Variants in TET1 observed in about 807,000 individuals in gnomAD.
The protein encoded by TET1 is methylcytosine dioxygenase TET1.
In TET1, 13 loss-of-function variants were observed where a neutral mutation model predicts 148.7. The observed-to-expected ratio is 0.09, with a 90% confidence interval of 0.06 to 0.14. TET1 has a LOEUF of 0.14. Ranked by LOEUF, TET1 falls within the 10% of genes least tolerant of loss-of-function variation. TET1 has a pLI of 1.00. For synonymous variants in TET1, 907 were observed against 937.2 expected (o/e 0.97, Z 0.59); for missense variants, 2,182 against 2,553.8 (o/e 0.85, Z 3.14).
chr10:68,662,454 T>A (rs1311961872), intron 6 of TET1, among the ~76,000 whole-genome samples: 2 of 152,094 alleles, frequency 1.3e-5, no homozygotes, highest in African/African-American at 4.8e-5. Flanking sequence ...ATTATTAATT[T>A]TTATTAATAA....
chr10:68,575,571 G>A (rs918259471), intron 2 of TET1, among the ~76,000 whole-genome samples: 2 of 151,868 alleles, frequency 1.3e-5, no homozygotes, highest in African/African-American at 4.8e-5. Context: ...GCATAGTGGT[G>A]CACACTGGTA....
At chr10:68,577,268 A>G (rs915764225) in intron 2 of TET1, among the ~76,000 whole-genome samples, 1 of 148,246 alleles carries the variant, frequency 6.7e-6, no homozygotes, top group Non-Finnish European at 1.5e-5. Context: ...GCTGGTCTCC[A>G]TCTCCTGACC....
chr10:68,587,727 T>C (rs552078413), intron 2 of TET1, among the ~76,000 whole-genome samples: 1 of 152,160 alleles, frequency 6.6e-6, no homozygotes, highest in South Asian at 2.1e-4. Context: ...GAAAGGAAGG[T>C]GGAAGGAGAC....
At chr10:68,588,151 C>A (rs1405240958) in intron 2 of TET1, among the ~76,000 whole-genome samples, 1 of 152,172 alleles carries the variant, frequency 6.6e-6, no homozygotes, top group Non-Finnish European at 1.5e-5. Context: ...CGTCGGCCAC[C>A]TTGCCTGGCT....
Position 68,646,189 on chromosome 10 carries a change from CCAT to C in TET1, c.3463_3465del (p.Ser1155del), listed in dbSNP as rs1025734794. ...AACCCAGAAAAAGACAAAATCCACCCCATCAAGAGATCGGCGGAAAAAGAAGCC... is the reference window on the plus strand; with the variant it reads ...AACCCAGAAAAAGACAAAATCCACCCCAAGAGATCGGCGGAAAAAGAAGCC... On this transcript the variant is annotated inframe_deletion, in exon 4 of 12. Coordinates refer to ENST00000373644, the MANE Select transcript of TET1 (RefSeq NM_030625.3). The C allele has an allele frequency of 1.2e-6, 2 of 1,613,838 alleles. No individual in the cohort carries two copies. Among genetic ancestry groups the C allele is most frequent in the Admixed American group, 3.3e-5 (2 of 59,956 alleles).
At chr10:68,624,636 CTTTCTTTCTTTCTT>C (rs1409948326) in intron 3 of TET1, among the ~76,000 whole-genome samples, 30 of 45,240 alleles carry the variant, frequency 6.6e-4, no homozygotes, top group South Asian at 4.6e-3. Flanking sequence ...TTCTTTCTTT[CTTTCTTTCTTTCTT>C]TCTTTCTTTC....
intron 3 of TET1, among the ~76,000 whole-genome samples, chr10:68,638,562 TGGAGG>T (rs995469554): frequency 7.9e-5 from 12 of 152,198 alleles, no homozygotes; most frequent in African/African-American, 2.9e-4. Context: ...TAAAAAAGCC[TGGAGG>T]GAATGGTTAT....
rs1683738376 is a variant in TET1, at chr10:68,694,349, C to T, written c.*2535C>T. 4.3e-6 allele frequency: 1 copy of T among 232,610 alleles called. No homozygotes were observed. The highest frequency in any genetic ancestry group is 5.6e-5 in the Admixed American group (1 of 17,754). The allele number at this position is 232,610 out of a possible 1,614,324, so 14.4% of individuals were successfully genotyped here. A position where few individuals can be genotyped will look rare whatever the true frequency, so the allele number is the denominator to read the frequency against. Reference sequence around the variant, plus strand: ...TTTTAACAATTTACCATCCCATTCTCTGCCCTGTGATTTTTTTTAAAAGCT... The same window carrying T: ...TTTTAACAATTTACCATCCCATTCTTTGCCCTGTGATTTTTTTTAAAAGCT... On this transcript the variant is annotated 3_prime_UTR_variant, in exon 12 of 12. Coordinates refer to ENST00000373644, the MANE Select transcript of TET1 (RefSeq NM_030625.3).
intron 11 of TET1, among the ~76,000 whole-genome samples, chr10:68,690,469 G>T (rs564041980): frequency 1.3e-5 from 2 of 152,172 alleles, no homozygotes; most frequent in Admixed American, 1.3e-4. Flanking sequence ...TTAGCCAGGC[G>T]TGGTGGCAGG....
In TET1 at chr10:68,624,602, CTCTTTCTTTCTTTCTTTCTTTCTTTCTT is replaced by C. The variant is rs771481993; in HGVS notation, c.1969-20064_1969-20037del. 1.3e-4 allele frequency among the ~76,000 whole-genome samples: 15 copies of C among 113,948 alleles called. No individual in the cohort carries two copies. In the South Asian group the frequency reaches 1.4e-3, roughly 10 times the overall value. 74.8% of individuals were successfully genotyped at this position (113,948 alleles called of 152,430 possible). ...CCGTGCCTGGCCTTATTTTCTTTTTCTCTTTCTTTCTTTCTTTCTTTCTTTCTTTCTTTCTTTCTTTCTTTCTTTCTTT... is the reference window on the plus strand; with the variant it reads ...CCGTGCCTGGCCTTATTTTCTTTTTCTCTTTCTTTCTTTCTTTCTTTCTTT... On this transcript the variant is annotated intron_variant, in intron 3 of 11. Transcript: ENST00000373644.
At position 68,646,784 on chromosome 10, in the gene TET1, C is replaced by T; in HGVS notation, c.4055C>T (p.Thr1352Ile). Residue 1352 changes from threonine to isoleucine, a missense_variant, in exon 4 of 12, where the codon ACT (threonine) becomes ATT (isoleucine). Thr to Ile is a moderately conservative substitution (Grantham distance 89, BLOSUM62 -1). Transcript: ENST00000373644. Reference sequence around the variant, plus strand: ...ACACCCTTACCGGAGTCAGCACTAACTCTCAGGAATGTAAATGTAGTGTGT... The same window carrying T: ...ACACCCTTACCGGAGTCAGCACTAATTCTCAGGAATGTAAATGTAGTGTGT... The part of the protein sequence containing the change: ...HETPLPESAL[T>I]LRNVNVVCSG... The T allele has an allele frequency of 6.2e-7, 1 of 1,614,100 alleles. No homozygotes were observed.
intron 3 of TET1, among the ~76,000 whole-genome samples, chr10:68,636,450 G>C (rs2054651020): frequency 6.6e-6 from 1 of 152,144 alleles, no homozygotes; most frequent in Non-Finnish European, 1.5e-5. Context: ...GAGAAAATTA[G>C]AATATCAAAG....
At position 68,573,033 on chromosome 10, in the gene TET1, C is replaced by A. The variant is rs545216411; in HGVS notation, c.695C>A (p.Thr232Lys). ...RCGEGLFSEE[T>K]LNDTSGSPKM... The stretch of plus-strand genomic sequence containing the variant: ...GGTGAAGGACTATTCTCTGAAGAGA[C>A]ATTGAATGATACCAGTGGTTCCCCA... The change falls in exon 2 of 12, where the codon ACA (threonine) becomes AAA (lysine). Residue 232 changes from threonine to lysine, a missense_variant. Coordinates refer to ENST00000373644, the MANE Select transcript of TET1 (RefSeq NM_030625.3). 6 of 1,614,166 alleles carry A rather than the reference C, an allele frequency of 3.7e-6. No homozygotes were observed. The East Asian group carries it at 1.1e-4, about 30-fold the overall frequency.
At chr10:68,626,153 A>G (rs949424906) in intron 3 of TET1, among the ~76,000 whole-genome samples, 1 of 149,850 alleles carries the variant, frequency 6.7e-6, no homozygotes, top group African/African-American at 2.4e-5. Context: ...GAGGGAAAAT[A>G]CGGTGTCCTT....
chr10:68,577,285 G>A lies in TET1; in HGVS notation c.1914+3033G>A, dbSNP rs140357371. 8.2e-3 allele frequency among the ~76,000 whole-genome samples: 1,247 copies of A among 151,842 alleles called. 10 individuals are homozygous for A. The highest frequency in any genetic ancestry group is 0.029 in the African/African-American group (1,194 of 41,438). Reference sequence around the variant, plus strand: ...TGGTCTCCATCTCCTGACCTCAGATGATCTGCCTGCATTGGCCTCCCAAAG... The same window carrying A: ...TGGTCTCCATCTCCTGACCTCAGATAATCTGCCTGCATTGGCCTCCCAAAG... On this transcript the variant is annotated intron_variant, in intron 2 of 11. Transcript: ENST00000373644.
At chr10:68,681,348 A>G (rs762960467) in intron 8 of TET1, 51 bp from the exon 9 acceptor site, 2 of 1,183,978 alleles carry the variant, frequency 1.7e-6, no homozygotes, top group South Asian at 2.5e-5. Flanking sequence ...TGTACCTTAA[A>G]CACATGAAGG....
intron 2 of TET1, among the ~76,000 whole-genome samples, chr10:68,584,363 A>G (rs542625949): frequency 7.9e-5 from 12 of 151,864 alleles, no homozygotes; most frequent in African/African-American, 2.9e-4. Flanking sequence ...AAATCTTACA[A>G]ATACATATGA....
intron 3 of TET1, among the ~76,000 whole-genome samples, chr10:68,631,115 G>A (rs1197093625): frequency 6.6e-6 from 1 of 152,204 alleles, no homozygotes; most frequent in African/African-American, 2.4e-5. Flanking sequence ...ATTCAAAGGT[G>A]CAGTGAGTTG....
chr10:68,672,100 T>C (rs1034536279), intron 7 of TET1, among the ~76,000 whole-genome samples: 9 of 152,128 alleles, frequency 5.9e-5, no homozygotes, highest in African/African-American at 1.9e-4. Flanking sequence ...ATTATATCCG[T>C]CTCATTTTAG....
Sources: allele counts gnomAD v4.1 joint callset (sites outside exome capture counted in the v4.1 genomes callset), GRCh38; gene constraint gnomAD v4.1.1; transcripts MANE v1.5; gene names NCBI Gene and HGNC (gene_info 2026-07-23, HGNC 2026-07-21).